RPGR: variants seen among roughly 807,000 people sequenced by gnomAD.
The protein encoded by RPGR is X-linked retinitis pigmentosa GTPase regulator.
A neutral mutation model predicts 56.3 loss-of-function variants in RPGR; 10 were observed. The ratio of observed to expected loss-of-function variants is 0.18; its 90% CI spans 0.11 to 0.30. The LOEUF is 0.30. Ranked by LOEUF, RPGR falls within the 10% of genes least tolerant of loss-of-function variation. The pLI is 1.00. For synonymous variants in RPGR, 197 were observed against 212.9 expected (o/e 0.93, Z 0.65); for missense variants, 538 against 590.9 (o/e 0.91, Z 0.93).
intron 18 of RPGR, among the ~76,000 whole-genome samples, chrX:38,271,707 T>TAG (rs764801664): frequency 1.8e-5 from 2 of 112,021 alleles, no homozygotes; most frequent in Admixed American, 1.9e-4. Flanking sequence ...AGACTTACTC[T>TAG]AACAGAGGCC....
At chrX:38,287,004 T>C (rs764777252) in intron 15 of RPGR, 11 of 1,210,422 alleles carry the variant, frequency 9.1e-6, no homozygotes, top group African/African-American at 3.5e-5. Context: ...AGTGTTCTGC[T>C]CCTGAACTAC....
intron 11 of RPGR, among the ~76,000 whole-genome samples, chrX:38,293,184 T>G (rs913148109): frequency 9.0e-6 from 1 of 111,611 alleles, no homozygotes; most frequent in Non-Finnish European, 1.9e-5. Context: ...CAGCAAACTT[T>G]TTCTCTAAAC....
chrX:38,278,957 A>T (rs1208121083), intron 15 of RPGR, among the ~76,000 whole-genome samples: 1 of 112,615 alleles, frequency 8.9e-6, no homozygotes, highest in African/African-American at 3.2e-5. Context: ...TAAGTAAAAC[A>T]CTCATAACAA....
chrX:38,320,977 A>T, intron 4 of RPGR, 50 bp downstream of exon 4: 1 of 922,913 alleles, frequency 1.1e-6, no homozygotes, highest in Non-Finnish European at 1.6e-6. Flanking sequence ...CTGGAATGAG[A>T]CCTCAGTTCT....
At chrX:38,281,233 C>T (rs781545955) in intron 15 of RPGR, among the ~76,000 whole-genome samples, 24 of 112,504 alleles carry the variant, frequency 2.1e-4, no homozygotes, top group African/African-American at 7.4e-4. Context: ...ATGCATGATC[C>T]ACGACTATAC....
At chrX:38,274,880 T>C (rs1196749843) in intron 17 of RPGR, among the ~76,000 whole-genome samples, 1 of 112,361 alleles carries the variant, frequency 8.9e-6, no homozygotes, top group Non-Finnish European at 1.9e-5. Flanking sequence ...AATATTTGTA[T>C]GTGAAGAAGC....
chrX:38,297,518 TCC>T, intron 10 of RPGR, 66 bp from the exon 11 acceptor site: 1 of 976,911 alleles, frequency 1.0e-6, no homozygotes, highest in Non-Finnish European at 1.4e-6. Context: ...ATATAAACTT[TCC>T]TAAAAGTTGC....
In RPGR at chrX:38,315,686, A is replaced by C. The variant is rs1328704944; in HGVS notation, c.619+1630T>G. Among the ~76,000 whole-genome samples, 5 of 110,539 alleles carry C rather than the reference A, an allele frequency of 4.5e-5. No homozygotes were observed. In the East Asian group the frequency reaches 1.4e-3, roughly 31 times the overall value. ...CAAAATAATTGTACATTTTAAAATA[A>C]CTAAGACAGTATCATTGGATTGTTT... On this transcript the variant is annotated intron_variant, in intron 6 of 18. Transcript: ENST00000642395.
Position 38,299,365 on chromosome X carries a change from T to C in RPGR, c.1060-224A>G, listed in dbSNP as rs571801770. On this transcript the variant is annotated intron_variant, in intron 9 of 18. Transcript: ENST00000642395. ...CATACATATTCTTTAAACATTGTGATTGAAAATTAGAACAAGTTTAATCCA... is the reference window on the plus strand; with the variant it reads ...CATACATATTCTTTAAACATTGTGACTGAAAATTAGAACAAGTTTAATCCA... Among the ~76,000 whole-genome samples the C allele has an allele frequency of 9.7e-4, 109 of 112,488 alleles. 1 individual carries two copies. The highest frequency in any genetic ancestry group is 3.3e-3 in the African/African-American group (103 of 31,007).
chrX:38,322,049 A>T (rs1446334607), intron 3 of RPGR, among the ~76,000 whole-genome samples: 1 of 112,024 alleles, frequency 8.9e-6, no homozygotes, highest in East Asian at 2.8e-4. Context: ...TCAGGTGTTT[A>T]GACTATGCTC....
intron 6 of RPGR, among the ~76,000 whole-genome samples, chrX:38,314,919 AAAG>A (rs917914721): frequency 8.9e-6 from 1 of 111,946 alleles, no homozygotes; most frequent in African/African-American, 3.2e-5. Context: ...TATATACCCA[AAAG>A]AAGAGAAACC....
chrX:38,298,186 C>T (rs1371629899), intron 10 of RPGR: 1 of 211,742 alleles, frequency 4.7e-6, no homozygotes, highest in African/African-American at 3.2e-5. Context: ...AGGAGAATGG[C>T]TTGAACCCAG....
At position 38,303,785 on chromosome X, in the gene RPGR, GT is replaced by G. The variant is rs772519927; in HGVS notation, c.934+849del. Reference sequence around the variant, plus strand: ...GCCAGATACCATTAGATGAGCAGTAGTTTTTTCAGGAGCTTTTTCATAGCAG... The same window carrying G: ...GCCAGATACCATTAGATGAGCAGTAGTTTTTCAGGAGCTTTTTCATAGCAG... On this transcript the variant is annotated intron_variant, in intron 8 of 18. Coordinates refer to ENST00000642395, the MANE Select transcript of RPGR (RefSeq NM_000328.3). The G allele has an allele frequency of 3.0e-5, 9 of 295,300 alleles. No homozygotes were observed. The South Asian group carries it at 1.9e-3, about 61-fold the overall frequency. The allele number at this position is 295,300 out of a possible 1,213,427, so 24.3% of individuals were successfully genotyped here.
chrX:38,322,762 T>G (rs2067971278), intron 3 of RPGR, 91 bp downstream of exon 3: 10 of 697,974 alleles, frequency 1.4e-5, no homozygotes, highest in Non-Finnish European at 2.3e-5. Context: ...AATAAAGAAC[T>G]AAAAGCTTTA....
chrX:38,291,163 A>G (rs975851526), intron 12 of RPGR, 139 bp from the exon 13 acceptor site: 5 of 212,160 alleles, frequency 2.4e-5, no homozygotes, highest in Non-Finnish European at 4.1e-5. Flanking sequence ...AAGGGAAAAC[A>G]GTTCAGATAG....
At chrX:38,296,989 A>G (rs1201928222) in intron 11 of RPGR, among the ~76,000 whole-genome samples, 1 of 111,567 alleles carries the variant, frequency 9.0e-6, no homozygotes, top group Non-Finnish European at 1.9e-5. Flanking sequence ...ACTCCCTCCT[A>G]AGTTCATCAA....
intron 15 of RPGR, among the ~76,000 whole-genome samples, chrX:38,277,239 T>C (rs2066951591): frequency 9.2e-6 from 1 of 109,190 alleles, no homozygotes; most frequent in Non-Finnish European, 1.9e-5. Flanking sequence ...ATTATTTACA[T>C]TCCAGGAAAA....
intron 7 of RPGR, among the ~76,000 whole-genome samples, chrX:38,307,483 T>G (rs1008232523): frequency 8.9e-6 from 1 of 112,588 alleles, no homozygotes; most frequent in East Asian, 2.8e-4. Context: ...TATAGACTTT[T>G]GAAAAACAAG....
At chrX:38,293,317 A>G (rs2147217825) in intron 11 of RPGR, among the ~76,000 whole-genome samples, 2 of 111,918 alleles carry the variant, frequency 1.8e-5, no homozygotes, top group East Asian at 2.8e-4. Flanking sequence ...CTGGGTTCCA[A>G]TAAAACTTTA....
Sources: gnomAD v4.1 joint callset for allele counts (sites outside exome capture counted in the v4.1 genomes callset) on GRCh38, gnomAD v4.1.1 for gene constraint, MANE v1.5 for transcripts, NCBI Gene and HGNC (gene_info 2026-07-23, HGNC 2026-07-21) for gene names.